Variants in DONSON observed in about 807,000 individuals in gnomAD.
DONSON encodes protein downstream neighbor of Son.
A neutral mutation model predicts 62.1 loss-of-function variants in DONSON; 43 were observed. That is an observed-to-expected ratio of 0.69 (90% confidence interval 0.54 to 0.89). The LOEUF (loss-of-function observed/expected upper bound fraction) is 0.89. DONSON is among the 40% of genes least tolerant of loss of function. The pLI is 0.00. For synonymous variants in DONSON, 266 were observed against 264.6 expected (o/e 1.01, Z -0.05); for missense variants, 696 against 697.5 (o/e 1.00, Z 0.03).
rs750576423 is a variant in DONSON, at chr21:33,579,352, T to C, written c.1561A>G (p.Met521Val). The change falls in exon 9 of 10, where the codon ATG becomes GTG. Residue 521 changes from methionine (M) to valine (V), a missense_variant and splice_region_variant. Coordinates refer to ENST00000303071, the MANE Select transcript of DONSON (RefSeq NM_017613.4). ...TCTGCTCATAGGTGTCTACTTACCA[T>C]ATCAAGTACTTTGTCCATTTGCAGG... ...ICLQMDKVLDMEVVHKELTNC... is the reference protein window; with the variant it reads ...ICLQMDKVLDVEVVHKELTNC... The C allele has an allele frequency of 7.5e-6, 12 of 1,595,120 alleles. No homozygotes were observed. The East Asian group carries it at 9.0e-5, about 12-fold the overall frequency.
chr21:33,582,279 C>G, intron 5 of DONSON, 33 bp from the exon 6 acceptor site: 1 of 1,526,730 alleles, frequency 6.5e-7, no homozygotes, highest in Non-Finnish European at 9.0e-7. Flanking sequence ...ACTGAGTTGT[C>G]ATTTAAAGTA....
intron 8 of DONSON, among the ~76,000 whole-genome samples, chr21:33,580,564 A>G (rs1202268042): frequency 1.4e-5 from 2 of 139,190 alleles, no homozygotes; most frequent in African/African-American, 5.3e-5. Flanking sequence ...ATTTCACTTG[A>G]GCCCACATGG....
chr21:33,580,277 G>C (rs7280365), intron 8 of DONSON, among the ~76,000 whole-genome samples: 56,628 of 147,266 alleles, frequency 0.38, 11,073 homozygotes, highest in East Asian at 0.59. Context: ...AATGCAGGGC[G>C]GCCAGGTGCA....
chr21:33,578,736 T>A (rs751706068), intron 9 of DONSON, among the ~76,000 whole-genome samples: 1 of 152,224 alleles, frequency 6.6e-6, no homozygotes, highest in African/African-American at 2.4e-5. Context: ...CAGTGAATTG[T>A]TTCCTTAAAC....
At position 33,583,558 on chromosome 21, in the gene DONSON, A is replaced by ATCACCACCTCTT; in HGVS notation, c.893_894insAAGAGGTGGTGA (p.Ala298_Gly299insArgGlyGlyAsp). ...TGAGAGCTGTGATTAAGTCACTTCC[A>ATCACCACCTCTT]GCTAATCCTGCTGCTCGGAACAGGA... On this transcript the variant is annotated inframe_insertion, in exon 5 of 10. Transcript: ENST00000303071. 2 of 1,614,098 alleles carry ATCACCACCTCTT rather than the reference A, an allele frequency of 1.2e-6. No individual in the cohort carries two copies. The highest frequency in any genetic ancestry group is 1.7e-6 in the Non-Finnish European group (2 of 1,179,990).
Position 33,588,676 on chromosome 21 carries a change from CAG to C in DONSON, c.-37_-36del, listed in dbSNP as rs929579261. ...CGGCTGAGGGTAGCCGGCCGCCCTA[CAG>C]AGACTTCCCGCGCGCGCCGGGCCCG... On this transcript the variant is annotated 5_prime_UTR_variant, in exon 1 of 10. Coordinates refer to ENST00000303071, the MANE Select transcript of DONSON (RefSeq NM_017613.4). The C allele has an allele frequency of 4.4e-5, 54 of 1,224,490 alleles. No homozygotes were observed. In the African/African-American group the frequency reaches 5.0e-4, roughly 11 times the overall value. The allele number at this position is 1,224,490 out of a possible 1,614,324, so 75.9% of individuals were successfully genotyped here. A position where few individuals can be genotyped will look rare whatever the true frequency, so the allele number is the denominator to read the frequency against.
chr21:33,582,139 G>A (rs188284536), intron 6 of DONSON, 26 bp downstream of exon 6: 3 of 1,612,042 alleles, frequency 1.9e-6, no homozygotes, highest in Middle Eastern at 1.7e-4. Context: ...GTCAGTGGAT[G>A]ATATAAAGTT....
intron 8 of DONSON, among the ~76,000 whole-genome samples, chr21:33,580,986 C>T (rs1049781079): frequency 6.6e-6 from 1 of 151,746 alleles, no homozygotes; most frequent in South Asian, 2.1e-4. Context: ...AGGCATGGCG[C>T]GAGAATCACT....
chr21:33,579,921 ATAATT>A (rs2086486262), intron 8 of DONSON, among the ~76,000 whole-genome samples: 1 of 152,220 alleles, frequency 6.6e-6, no homozygotes, highest in Admixed American at 6.5e-5. Flanking sequence ...ATTTACATAT[ATAATT>A]TATTATGATT....
chr21:33,580,942 T>C (rs1249354503), intron 8 of DONSON, among the ~76,000 whole-genome samples: 6 of 149,562 alleles, frequency 4.0e-5, no homozygotes, highest in Non-Finnish European at 8.9e-5. Flanking sequence ...GGCTTGGTGG[T>C]GTGTGCTTGT....
In DONSON at chr21:33,577,598, C is replaced by T. The variant is rs2086431381; in HGVS notation, c.*709G>A. ...TTTTAAAAATGTGAATTATACAGTC[C>T]CCCCCTACACACACACACACACACA... On this transcript the variant is annotated 3_prime_UTR_variant, in exon 10 of 10. Coordinates refer to ENST00000303071, the MANE Select transcript of DONSON (RefSeq NM_017613.4). 8.3e-6 allele frequency: 1 copy of T among 120,180 alleles called. No homozygotes were observed. Among genetic ancestry groups the T allele is most frequent in the Admixed American group, 9.4e-5 (1 of 10,652 alleles). 7.4% of individuals were successfully genotyped at this position (120,180 alleles called of 1,614,324 possible). A position where few individuals can be genotyped will look rare whatever the true frequency, so the allele number is the denominator to read the frequency against.
intron 2 of DONSON, among the ~76,000 whole-genome samples, chr21:33,586,632 G>A (rs534025277): frequency 2.6e-4 from 39 of 152,056 alleles, no homozygotes; most frequent in African/African-American, 9.2e-4. Context: ...CACAATACAA[G>A]AATTTTTTTT....
chr21:33,584,580 C>T lies in DONSON; in HGVS notation c.785+10G>A. 6.3e-7 allele frequency: 1 copy of T among 1,576,694 alleles called. No individual in the cohort carries two copies. The highest frequency in any genetic ancestry group is 8.6e-7 in the Non-Finnish European group (1 of 1,158,760). On this transcript the variant is annotated intron_variant, in intron 4 of 9. Coordinates refer to ENST00000303071, the MANE Select transcript of DONSON (RefSeq NM_017613.4). ...TATTGAATTATACAAGTTTCTCTTA[C>T]TAATCTTACCAGTCACTCATTAAAA...
At chr21:33,586,658 G>T (rs567481736) in intron 2 of DONSON, among the ~76,000 whole-genome samples, 14 of 151,816 alleles carry the variant, frequency 9.2e-5, no homozygotes, top group Admixed American at 5.9e-4. Flanking sequence ...AAATTGAGAC[G>T]GAGTCTCCCT....
rs375735257 is a variant in DONSON, at chr21:33,579,386, A to C, written c.1527T>G (p.Phe509Leu). The C allele has an allele frequency of 6.2e-7, 1 of 1,610,610 alleles. No individual in the cohort carries two copies. The highest frequency in any genetic ancestry group is 8.5e-7 in the Non-Finnish European group (1 of 1,177,302). ...VLYPHEPTAV[F>L]NICLQMDKVL... is the part of the protein sequence containing the mutation. ...CTTTGTCCATTTGCAGGCAGATGTT[A>C]AATACAGCAGTTGGCTCGTGTGGAT... Residue 509 changes from phenylalanine (F) to leucine (L), a missense_variant, in exon 9 of 10, where the codon TTT becomes TTG. Transcript: ENST00000303071.
intron 5 of DONSON, among the ~76,000 whole-genome samples, chr21:33,583,200 CAAAAAAAAAAA>C (rs552034893): frequency 1.5e-4 from 9 of 58,930 alleles, no homozygotes; most frequent in East Asian, 9.6e-4. Context: ...GTCTCCATCT[CAAAAAAAAAAA>C]AAAAAAAAAA....
At chr21:33,582,504 C>T (rs2086525286) in intron 5 of DONSON, among the ~76,000 whole-genome samples, 1 of 152,142 alleles carries the variant, frequency 6.6e-6, no homozygotes, top group Admixed American at 6.5e-5. Context: ...TGAAAAAGTA[C>T]TGATTGGGCC....
chr21:33,580,218 G>C (rs1014820885), intron 8 of DONSON, among the ~76,000 whole-genome samples: 2 of 149,344 alleles, frequency 1.3e-5, no homozygotes, highest in African/African-American at 4.9e-5. Context: ...GACAGAGCAA[G>C]ACTCCGTCTC....
In DONSON at chr21:33,588,432, G is replaced by T; in HGVS notation, c.210C>A (p.Gly70=). Residue 70 remains glycine, a synonymous_variant, in exon 1 of 10, where the codon GGC becomes GGA. Coordinates refer to ENST00000303071, the MANE Select transcript of DONSON (RefSeq NM_017613.4). ...AAGGRGGGSG[G]GPAAARRNPF... is the part of the protein sequence containing the mutation. ...GGTTCCTCCGAGCAGCGGCCGGGCC[G>T]CCGCCGCTGCCACCGCCTCTGCCCC... is the stretch of plus-strand genomic sequence containing the variant. The T allele has an allele frequency of 7.6e-7, 1 of 1,307,882 alleles. No individual in the cohort carries two copies. Among genetic ancestry groups the T allele is most frequent in the South Asian group, 2.3e-5 (1 of 44,140 alleles). The allele number at this position is 1,307,882 out of a possible 1,614,324, so 81.0% of individuals were successfully genotyped here.
Sources: gnomAD v4.1 joint callset for allele counts (sites outside exome capture counted in the v4.1 genomes callset) on GRCh38, gnomAD v4.1.1 for gene constraint, MANE v1.5 for transcripts, NCBI Gene and HGNC (gene_info 2026-07-23, HGNC 2026-07-21) for gene names.